The following NHSL2 variants were observed in gnomAD, a reference collection of about 807,000 sequenced individuals.
NHSL2 encodes NHS-like protein 2.
Under a neutral mutation model 53.4 loss-of-function variants are expected in NHSL2, and 27 were observed. That is an observed-to-expected ratio of 0.51 (90% CI 0.37 to 0.70). The LOEUF is 0.70. Among genes scored for constraint, NHSL2 ranks in the 30% least tolerant of loss-of-function variants. NHSL2 has a pLI of 0.00. For missense variants in NHSL2, 892 were observed against 980.1 expected (o/e 0.91, Z 1.20); for synonymous variants, 408 against 404.1 (o/e 1.01, Z -0.12).
intron 1 of NHSL2, among the ~76,000 whole-genome samples, chrX:71,972,513 G>T (rs2041929734): frequency 1.8e-5 from 2 of 112,216 alleles, no homozygotes; most frequent in South Asian, 7.3e-4. Flanking sequence ...TGATGGATAA[G>T]TTAAGTGTTT....
In NHSL2 at chrX:72,135,892, C is replaced by T. The variant is rs186350836; in HGVS notation, c.760+1188C>T. The stretch of plus-strand genomic sequence containing the variant: ...TCTACCAAAAATACAAAAAAATAGC[C>T]AGGCGTGGTGGCGCACACCTGTGGC... On this transcript the variant is annotated intron_variant, in intron 4 of 7. Coordinates refer to ENST00000633930, the MANE Select transcript of NHSL2 (RefSeq NM_001013627.3). Among the ~76,000 whole-genome samples, 128 of 111,150 alleles carry T rather than the reference C, an allele frequency of 1.2e-3. 1 individual carries two copies. Among genetic ancestry groups the T allele is most frequent in the African/African-American group, 4.1e-3 (125 of 30,504 alleles).
Position 71,970,099 on chromosome X carries a change from G to A in NHSL2, c.280+58732G>A, listed in dbSNP as rs190338926. On this transcript the variant is annotated intron_variant, in intron 1 of 7. Coordinates refer to ENST00000633930, the MANE Select transcript of NHSL2 (RefSeq NM_001013627.3). The stretch of plus-strand genomic sequence containing the variant: ...TGTTAAACCAACTTAAAATTCCTGG[G>A]ATAAATCTCTTTTGTTCATGTATAA... Among the ~76,000 whole-genome samples the A allele has an allele frequency of 2.8e-3, 317 of 111,791 alleles. 1 individual carries two copies. Among genetic ancestry groups the A allele is most frequent in the African/African-American group, 9.8e-3 (302 of 30,777 alleles).
chrX:72,021,412 G>T (rs754811096), intron 1 of NHSL2, among the ~76,000 whole-genome samples: 2 of 111,956 alleles, frequency 1.8e-5, no homozygotes, highest in African/African-American at 3.3e-5. Context: ...ATCACTGGAC[G>T]TGTGTGCTTC....
At chrX:72,081,548 CT>C (rs1419407436) in intron 1 of NHSL2, among the ~76,000 whole-genome samples, 1 of 111,637 alleles carries the variant, frequency 9.0e-6, no homozygotes, top group Admixed American at 9.4e-5. Flanking sequence ...AACTTCTCAC[CT>C]GGTTTGGCCT....
chrX:71,926,470 C>T lies in NHSL2; in HGVS notation c.280+15103C>T, dbSNP rs1006751166. ...AACCTTAACTGTATTTTAGAATCAC[C>T]GGGCACACTTTGAACAAAACATTGA... On this transcript the variant is annotated intron_variant, in intron 1 of 7. Transcript: ENST00000633930. Among the ~76,000 whole-genome samples the T allele has an allele frequency of 2.9e-4, 32 of 110,303 alleles. No homozygotes were observed. In the Admixed American group the frequency reaches 3.0e-3, roughly 10 times the overall value.
At chrX:72,059,708 T>C (rs1394045318) in intron 1 of NHSL2, among the ~76,000 whole-genome samples, 1 of 110,257 alleles carries the variant, frequency 9.1e-6, no homozygotes, top group Non-Finnish European at 1.9e-5. Context: ...GGCTGGGGAG[T>C]GAAAGGGGAT....
chrX:72,139,916 A>C lies in NHSL2; in HGVS notation c.2368A>C (p.Ile790Leu), dbSNP rs2042398377. The C allele has an allele frequency of 2.5e-6, 3 of 1,209,093 alleles. No homozygotes were observed. Among genetic ancestry groups the C allele is most frequent in the Non-Finnish European group, 3.4e-6 (3 of 894,788 alleles). The change falls in exon 6 of 8, where the codon ATC becomes CTC. Residue 790 changes from isoleucine to leucine, a missense_variant. Coordinates refer to ENST00000633930, the MANE Select transcript of NHSL2 (RefSeq NM_001013627.3). ...NLDLSGMSIS[I>L]RSKTKVSRHH... is the part of the protein sequence containing the mutation. ...GGATCTGTCTGGGATGAGTATCTCC[A>C]TCCGAAGCAAAACTAAGGTGAGTCG...
At position 72,139,394 on chromosome X, in the gene NHSL2, G is replaced by A; in HGVS notation, c.1846G>A (p.Asp616Asn). ...TCAAGGACATCACTCGTCCCACCCA[G>A]ATGCTCAGGGTCACCCAGCTATTCC... is the stretch of plus-strand genomic sequence containing the variant. ...EHQGHHSSHP[D>N]AQGHPAIPNH... The change falls in exon 6 of 8, where the codon GAT becomes AAT. Residue 616 changes from aspartate (D) to asparagine (N), a missense_variant. By Grantham distance (23) the Asp-to-Asn change is conservative (BLOSUM62 1). Coordinates refer to ENST00000633930, the MANE Select transcript of NHSL2 (RefSeq NM_001013627.3). 1 of 1,210,914 alleles carries A rather than the reference G, an allele frequency of 8.3e-7. No homozygotes were observed. Among genetic ancestry groups the A allele is most frequent in the Non-Finnish European group, 1.1e-6 (1 of 894,951 alleles).
chrX:72,094,928 G>C (rs1298272381), intron 1 of NHSL2, among the ~76,000 whole-genome samples: 3 of 112,142 alleles, frequency 2.7e-5, no homozygotes, highest in Admixed American at 1.9e-4. Context: ...AGTAAAGCAA[G>C]AGCATTGCAA....
rs1203214489 is a variant in NHSL2, at chrX:72,150,826, G to C, written c.*7252G>C. ...ACTTCCTCTCGTTTCTCTTTTCGAG[G>C]ATGCTTAGAGGCTTCTCACCAGAGA... On this transcript the variant is annotated 3_prime_UTR_variant, in exon 8 of 8. Transcript: ENST00000633930. 8.9e-6 allele frequency: 1 copy of C among 111,857 alleles called. No individual in the cohort carries two copies. The highest frequency in any genetic ancestry group is 1.9e-5 in the Non-Finnish European group (1 of 53,173). 9.2% of individuals were successfully genotyped at this position (111,857 alleles called of 1,213,427 possible).
rs369250230 is a variant in NHSL2, at chrX:72,143,297, T to C, written c.3401T>C (p.Phe1134Ser). The C allele has an allele frequency of 1.5e-4, 180 of 1,164,559 alleles. No individual in the cohort carries two copies. The highest frequency in any genetic ancestry group is 2.0e-4 in the Non-Finnish European group (175 of 871,915). The part of the protein sequence containing the change: ...LLGWKEPGEA[F>S]VGGRTSSHSP... ...GGCTGGAAGGAACCTGGTGAGGCCT[T>C]TGTGGGTGGCAGAACGAGTTCCCAC... is the stretch of plus-strand genomic sequence containing the variant. The change falls in exon 8 of 8, where the codon TTT becomes TCT. Residue 1134 changes from phenylalanine (F) to serine (S), a missense_variant. By Grantham distance (155) the Phe-to-Ser change is radical. Transcript: ENST00000633930.
chrX:72,136,784 G>C (rs2042359134), intron 4 of NHSL2, among the ~76,000 whole-genome samples: 1 of 112,595 alleles, frequency 8.9e-6, no homozygotes, highest in Admixed American at 9.3e-5. Context: ...TACTCCCAGA[G>C]ATTTCAGTGT....
At chrX:71,917,579 G>A (rs990103269) in intron 1 of NHSL2, among the ~76,000 whole-genome samples, 12 of 110,458 alleles carry the variant, frequency 1.1e-4, no homozygotes. Flanking sequence ...CAGTCCAGTG[G>A]GGAGAACAGT....
chrX:72,008,939 A>G (rs2042104909), intron 1 of NHSL2, among the ~76,000 whole-genome samples: 1 of 111,409 alleles, frequency 9.0e-6, no homozygotes, highest in Non-Finnish European at 1.9e-5. Context: ...AACATCCTCC[A>G]CTTGCTCCCC....
chrX:71,979,788 G>T (rs2041966490), intron 1 of NHSL2, among the ~76,000 whole-genome samples: 1 of 110,947 alleles, frequency 9.0e-6, no homozygotes. Context: ...TGTCAATTTT[G>T]GCTTTTGTTG....
chrX:71,944,714 A>G (rs1408061432), intron 1 of NHSL2, among the ~76,000 whole-genome samples: 1 of 112,114 alleles, frequency 8.9e-6, no homozygotes, highest in Non-Finnish European at 1.9e-5. Context: ...TTTGGTTTTC[A>G]TATGTTTTCT....
intron 1 of NHSL2, among the ~76,000 whole-genome samples, chrX:71,945,343 C>G (rs917638270): frequency 8.9e-6 from 1 of 112,150 alleles, no homozygotes; most frequent in Non-Finnish European, 1.9e-5. Flanking sequence ...CTGAGAAGTC[C>G]CCTTTCTTCT....
chrX:71,965,081 T>TA (rs892764809), intron 1 of NHSL2, among the ~76,000 whole-genome samples: 1 of 112,011 alleles, frequency 8.9e-6, no homozygotes, highest in Non-Finnish European at 1.9e-5. Context: ...AAAACTGCTC[T>TA]AAAAAAATTT....
intron 1 of NHSL2, among the ~76,000 whole-genome samples, chrX:72,077,833 G>A (rs1471379981): frequency 1.8e-5 from 2 of 112,340 alleles, no homozygotes; most frequent in Admixed American, 9.3e-5. Flanking sequence ...CAGAGTAGGA[G>A]CAGCAGTGTT....
Sources: gnomAD v4.1 joint callset for allele counts (sites outside exome capture counted in the v4.1 genomes callset) on GRCh38, gnomAD v4.1.1 for gene constraint, MANE v1.5 for transcripts, NCBI Gene and HGNC (gene_info 2026-07-23, HGNC 2026-07-21) for gene names.